CLGN: variants seen among roughly 807,000 people sequenced by gnomAD.
CLGN encodes calmegin, also known as testis tissue sperm-binding protein Li 79P.
CLGN carries 62 observed loss-of-function variants against 79.1 expected under a neutral mutation model. The observed-to-expected ratio is 0.78, with a 90% CI of 0.64 to 0.97. The LOEUF (loss-of-function observed/expected upper bound fraction) is 0.97. CLGN is among the 50% of genes least tolerant of loss of function. The pLI, the probability that CLGN is intolerant of heterozygous loss-of-function variation, is 0.00. For synonymous variants in CLGN, 225 were observed against 224.7 expected, an observed-to-expected ratio of 1.00 and a Z score of -0.01; for missense variants, 647 against 715.5, an observed-to-expected ratio of 0.90 and a Z score of 1.09.
At chr4:140,425,589 A>G (rs1000878125) in intron 1 of CLGN, among the ~76,000 whole-genome samples, 6 of 142,160 alleles carry the variant, frequency 4.2e-5, no homozygotes, top group African/African-American at 1.6e-4. Flanking sequence ...CACTATAGTC[A>G]CTTTATGTTT....
At chr4:140,424,103 G>A (rs1729519369) in intron 1 of CLGN, among the ~76,000 whole-genome samples, 1 of 151,986 alleles carries the variant, frequency 6.6e-6, no homozygotes, top group Admixed American at 6.6e-5. Flanking sequence ...CAAGGTGTAA[G>A]TTAGGTTGTT....
At chr4:140,397,832 A>T (rs1578595068) in intron 8 of CLGN, among the ~76,000 whole-genome samples, 1 of 152,328 alleles carries the variant, frequency 6.6e-6, no homozygotes, top group Admixed American at 6.5e-5. Flanking sequence ...TGAACCCAGG[A>T]GGCAGAGGCT....
At chr4:140,420,600 C>T (rs1375337339) in intron 1 of CLGN, among the ~76,000 whole-genome samples, 2 of 151,748 alleles carry the variant, frequency 1.3e-5, no homozygotes, top group African/African-American at 4.8e-5. Context: ...CTGCGTAATG[C>T]TGCAGTATCC....
At chr4:140,401,037 G>C (rs748257803) in intron 6 of CLGN, among the ~76,000 whole-genome samples, 3 of 152,062 alleles carry the variant, frequency 2.0e-5, no homozygotes, top group Non-Finnish European at 4.4e-5. Context: ...GTGGTTAACA[G>C]CATGGGGCAT....
In CLGN at chr4:140,392,110, T is replaced by A. The variant is rs1728783526; in HGVS notation, c.1651+109A>T. ...GTCACATATTCTTGGGAGATTCAGATGTATAAACTTGATAATAAACAAGTA... is the reference window on the plus strand; with the variant it reads ...GTCACATATTCTTGGGAGATTCAGAAGTATAAACTTGATAATAAACAAGTA... On this transcript the variant is annotated intron_variant, in intron 13 of 14. Coordinates refer to ENST00000325617, the MANE Select transcript of CLGN (RefSeq NM_004362.3). The A allele has an allele frequency of 3.2e-6, 4 of 1,246,206 alleles. No homozygotes were observed. The African/African-American group carries it at 6.0e-5, about 19-fold the overall frequency. The allele number at this position is 1,246,206 out of a possible 1,614,324, so 77.2% of individuals were successfully genotyped here. A position where few individuals can be genotyped will look rare whatever the true frequency, so the allele number is the denominator to read the frequency against.
chr4:140,395,883 A>T lies in CLGN; in HGVS notation c.1085T>A (p.Met362Lys), dbSNP rs757530731. 1 of 1,599,650 alleles carries T rather than the reference A, an allele frequency of 6.3e-7. No homozygotes were observed. Among genetic ancestry groups the T allele is most frequent in the Non-Finnish European group, 8.5e-7 (1 of 1,175,366 alleles). Residue 362 changes from methionine to lysine, a missense_variant, in exon 10 of 15, where the codon ATG becomes AAG. Transcript: ENST00000325617. ...RIGCGEWKPP[M>K]IDNPKYKGVW... ...TCCTTTGTATTTTGGGTTATCTATC[A>T]TGGGAGGTTTCCACTCACCACACCC... is the stretch of plus-strand genomic sequence containing the variant.
intron 8 of CLGN, among the ~76,000 whole-genome samples, chr4:140,397,183 A>G (rs1422634933): frequency 6.6e-6 from 1 of 151,498 alleles, no homozygotes; most frequent in African/African-American, 2.4e-5. Flanking sequence ...TAATGGTTAC[A>G]CTCCACTTCC....
At chr4:140,390,044 T>C (rs771909507) in intron 14 of CLGN, among the ~76,000 whole-genome samples, 15 of 151,652 alleles carry the variant, frequency 9.9e-5, no homozygotes, top group Non-Finnish European at 1.8e-4. Context: ...GCTCTGGCTC[T>C]AATTATACTC....
At position 140,408,860 on chromosome 4, in the gene CLGN, CATATAT is replaced by C. The variant is rs112593782; in HGVS notation, c.277+971_277+976del. ...TGGTGTCCTTTTTGGAGTTGATAAG[CATATAT>C]ATATATATATATATATATACACACA... On this transcript the variant is annotated intron_variant, in intron 4 of 14. Transcript: ENST00000325617. Among the ~76,000 whole-genome samples, 62 of 138,420 alleles carry C rather than the reference CATATAT, an allele frequency of 4.5e-4. 2 individuals are homozygous for C. The highest frequency in any genetic ancestry group is 9.7e-4 in the African/African-American group (37 of 38,306). The allele number at this position is 138,420 out of a possible 152,430, so 90.8% of individuals were successfully genotyped here. A position where few individuals can be genotyped will look rare whatever the true frequency, so the allele number is the denominator to read the frequency against.
chr4:140,404,805 C>T (rs1729067919), intron 5 of CLGN, among the ~76,000 whole-genome samples: 1 of 152,140 alleles, frequency 6.6e-6, no homozygotes, highest in East Asian at 1.9e-4. Flanking sequence ...CAGTCGGGCA[C>T]CACCATGCCT....
At chr4:140,414,020 A>G (rs1161047402) in intron 1 of CLGN, among the ~76,000 whole-genome samples, 1 of 152,256 alleles carries the variant, frequency 6.6e-6, no homozygotes, top group Non-Finnish European at 1.5e-5. Flanking sequence ...GAGAACGGGC[A>G]GACTGCCTCC....
rs527555756 is a variant in CLGN at position 140,400,371 on chromosome 4, T to C, written c.680A>G (p.His227Arg). Residue 227 changes from histidine (H) to arginine (R), a missense_variant, in exon 7 of 15, where the codon CAT becomes CGT. Coordinates refer to ENST00000325617, the MANE Select transcript of CLGN (RefSeq NM_004362.3). Reference sequence around the variant, plus strand: ...AAAGGGTATACCAAGGGTATAAAGATGAGTCTTCCTGTCTGTAAAGAACTT... The same window carrying C: ...AAAGGGTATACCAAGGGTATAAAGACGAGTCTTCCTGTCTGTAAAGAACTT... ...LKKFFTDRKTHLYTLVMNPDD... is the reference protein window; with the variant it reads ...LKKFFTDRKTRLYTLVMNPDD... 3 of 1,606,560 alleles carry C rather than the reference T, an allele frequency of 1.9e-6. No homozygotes were observed. The highest frequency in any genetic ancestry group is 1.1e-5 in the South Asian group (1 of 90,058).
At chr4:140,403,069 A>C (rs1729027997) in intron 5 of CLGN, among the ~76,000 whole-genome samples, 6 of 152,172 alleles carry the variant, frequency 3.9e-5, no homozygotes, top group Admixed American at 3.9e-4. Context: ...AAAAGGAAAC[A>C]AAATTTTAAG....
intron 7 of CLGN, 134 bp from the exon 8 acceptor site, chr4:140,399,174 T>C (rs1728951631): frequency 3.1e-6 from 2 of 642,812 alleles, no homozygotes; most frequent in Admixed American, 3.7e-5. Flanking sequence ...GAATAACCAA[T>C]GTATTGAACT....
chr4:140,412,805 A>C, intron 2 of CLGN, 130 bp downstream of exon 2: 2 of 863,118 alleles, frequency 2.3e-6, no homozygotes. Context: ...GACACTTAGA[A>C]AAAAAATCAA....
chr4:140,425,991 G>A (rs1420554244), intron 1 of CLGN, among the ~76,000 whole-genome samples: 3 of 152,024 alleles, frequency 2.0e-5, no homozygotes, highest in Admixed American at 6.6e-5. Context: ...TTATAACTGC[G>A]ATGCCTTTCT....
intron 4 of CLGN, among the ~76,000 whole-genome samples, chr4:140,409,630 T>C (rs541740918): frequency 6.6e-6 from 1 of 152,140 alleles, no homozygotes; most frequent in Non-Finnish European, 1.5e-5. Context: ...GTTAGAAAAC[T>C]AGATTAACTG....
chr4:140,399,288 T>C (rs565249698), intron 7 of CLGN, among the ~76,000 whole-genome samples: 1 of 152,282 alleles, frequency 6.6e-6, no homozygotes, highest in Admixed American at 6.5e-5. Context: ...TAAAAAATAA[T>C]ACCAAATAGC....
At chr4:140,396,910 T>C (rs1460798608) in intron 8 of CLGN, among the ~76,000 whole-genome samples, 8 of 132,038 alleles carry the variant, frequency 6.1e-5, no homozygotes, top group Non-Finnish European at 1.2e-4. Flanking sequence ...TATATATGTA[T>C]ATATATATAT....
Sources: allele counts gnomAD v4.1 joint callset (sites outside exome capture counted in the v4.1 genomes callset), GRCh38; gene constraint gnomAD v4.1.1; transcripts MANE v1.5; gene names NCBI Gene and HGNC (gene_info 2026-07-23, HGNC 2026-07-21).